The following TTBK2 variants were observed in gnomAD, a reference collection of about 807,000 sequenced individuals.
TTBK2 encodes tau tubulin kinase 2, also known as tau-tubulin kinase 2.
Under a neutral mutation model 110.8 loss-of-function variants are expected in TTBK2, and 28 were observed. The observed-to-expected ratio is 0.25, with a 90% CI of 0.19 to 0.35. The LOEUF is 0.35. Among genes scored for constraint, TTBK2 ranks in the 10% least tolerant of loss-of-function variants. TTBK2 has a pLI of 1.00. For missense variants in TTBK2, 1,369 were observed against 1,500.3 expected (o/e 0.91, Z 1.45); for synonymous variants, 532 against 527.3 (o/e 1.01, Z -0.12).
rs1161199576 is a variant in TTBK2, at chr15:42,752,793, G to C, written c.2453C>G (p.Ala818Gly). 1 of 1,614,160 alleles carries C rather than the reference G, an allele frequency of 6.2e-7. No individual in the cohort carries two copies. Among genetic ancestry groups the C allele is most frequent in the South Asian group, 1.1e-5 (1 of 91,080 alleles). The change falls in exon 14 of 15, where the codon GCT (alanine) becomes GGT (glycine). Residue 818 changes from alanine (A) to glycine (G), a missense_variant. Physicochemically the swap from Ala to Gly is moderately conservative, Grantham distance 60. Transcript: ENST00000267890. ...DLVIVEKDHS[A>G]TTEPLDVTKT... Reference sequence around the variant, plus strand: ...TGTCACATCAAGAGGTTCAGTAGTAGCTGAGTGATCCTTTTCCACAATTAC... The same window carrying C: ...TGTCACATCAAGAGGTTCAGTAGTACCTGAGTGATCCTTTTCCACAATTAC...
chr15:42,855,785 C>T (rs925489548), intron 3 of TTBK2, among the ~76,000 whole-genome samples: 2 of 152,112 alleles, frequency 1.3e-5, no homozygotes, highest in East Asian at 3.9e-4. Context: ...CCCGGGTTCA[C>T]GCCATTCTCC....
intron 3 of TTBK2, among the ~76,000 whole-genome samples, chr15:42,845,170 T>A (rs1893395607): frequency 6.6e-6 from 1 of 152,130 alleles, no homozygotes; most frequent in Non-Finnish European, 1.5e-5. Flanking sequence ...GTACATGTGA[T>A]AAATAATTAA....
chr15:42,785,211 C>T (rs1040565725), intron 10 of TTBK2, among the ~76,000 whole-genome samples: 2 of 148,862 alleles, frequency 1.3e-5, no homozygotes, highest in African/African-American at 2.5e-5. Flanking sequence ...CCTCCGCCCC[C>T]GGGGTTCAAG....
chr15:42,815,942 A>C (rs1192972599), intron 7 of TTBK2, among the ~76,000 whole-genome samples: 2 of 29,548 alleles, frequency 6.8e-5, no homozygotes, highest in Admixed American at 1.3e-3. Context: ...ATATATATAT[A>C]TATATTTAAA....
In TTBK2 at chr15:42,775,620, A is replaced by G; in HGVS notation, c.1513T>C (p.Trp505Arg). Residue 505 changes from tryptophan to arginine, a missense_variant, in exon 13 of 15, where the codon TGG becomes CGG. Physicochemically the swap from Trp to Arg is moderately radical, Grantham distance 101. Transcript: ENST00000267890. ...GGAAGATATTCTTCATCATAGTGCC[A>G]GATGTGGTCAGTACGGGACACAGCA... Reference protein sequence around the residue: ...VPAVSRTDHIWHYDEEYLPDA... With the variant: ...VPAVSRTDHIRHYDEEYLPDA... 1.9e-6 allele frequency: 3 copies of G among 1,614,044 alleles called. No individual in the cohort carries two copies. The highest frequency in any genetic ancestry group is 2.5e-6 in the Non-Finnish European group (3 of 1,179,920).
At chr15:42,893,310 C>T (rs951350729) in intron 1 of TTBK2, among the ~76,000 whole-genome samples, 1 of 152,054 alleles carries the variant, frequency 6.6e-6, no homozygotes, top group East Asian at 1.9e-4. Flanking sequence ...CCTGGGCAAC[C>T]TATCAAGACC....
rs1218245664 is a variant in TTBK2, at chr15:42,746,398, C to T, written c.3273-141G>A. On this transcript the variant is annotated intron_variant, in intron 14 of 14. Coordinates refer to ENST00000267890, the MANE Select transcript of TTBK2 (RefSeq NM_173500.4). ...GGATACAGGGTTACTCTGTCATATA[C>T]TAGTTGTATGACCCTGGACAAATTC... 7.4e-6 allele frequency: 5 copies of T among 678,062 alleles called. No individual in the cohort carries two copies. The South Asian group carries it at 7.7e-5, about 10-fold the overall frequency. The allele number at this position is 678,062 out of a possible 1,614,324, so 42.0% of individuals were successfully genotyped here. A position where few individuals can be genotyped will look rare whatever the true frequency, so the allele number is the denominator to read the frequency against.
intron 4 of TTBK2, among the ~76,000 whole-genome samples, chr15:42,835,070 T>C (rs2141000671): frequency 6.6e-6 from 1 of 152,296 alleles, no homozygotes; most frequent in Middle Eastern, 3.4e-3. Context: ...GATAACCTAA[T>C]AGTGAATGTA....
intron 3 of TTBK2, among the ~76,000 whole-genome samples, chr15:42,868,382 G>T (rs754126994): frequency 3.3e-5 from 5 of 152,048 alleles, no homozygotes; most frequent in Non-Finnish European, 7.4e-5. Flanking sequence ...ATCAATGTAG[G>T]TTCATCAATT....
At chr15:42,806,358 C>G (rs966434138) in intron 9 of TTBK2, among the ~76,000 whole-genome samples, 2 of 152,264 alleles carry the variant, frequency 1.3e-5, no homozygotes, top group Non-Finnish European at 2.9e-5. Context: ...CAACTAGTCT[C>G]TGATTCTCCT....
chr15:42,882,247 TAAAC>T (rs1021098430), intron 1 of TTBK2, among the ~76,000 whole-genome samples: 9 of 151,712 alleles, frequency 5.9e-5, no homozygotes, highest in Non-Finnish European at 1.0e-4. Flanking sequence ...AAACAACTCT[TAAAC>T]ATATCATAAC....
intron 6 of TTBK2, among the ~76,000 whole-genome samples, chr15:42,819,163 T>C (rs1410716019): frequency 2.0e-5 from 3 of 151,694 alleles, no homozygotes; most frequent in Admixed American, 6.6e-5. Context: ...TCAGAAAAGA[T>C]AGTAAACGTT....
chr15:42,787,431 C>T (rs1371231438), intron 10 of TTBK2, among the ~76,000 whole-genome samples: 1 of 152,108 alleles, frequency 6.6e-6, no homozygotes, highest in Non-Finnish European at 1.5e-5. Context: ...AGAAAAAAAT[C>T]AGAAGTTGGC....
At chr15:42,806,937 C>T (rs1227361854) in intron 9 of TTBK2, among the ~76,000 whole-genome samples, 2 of 151,994 alleles carry the variant, frequency 1.3e-5, no homozygotes, top group Non-Finnish European at 2.9e-5. Context: ...CACCCCTGGG[C>T]CTTACATGGT....
At chr15:42,882,567 T>G (rs558782538) in intron 1 of TTBK2, among the ~76,000 whole-genome samples, 1 of 151,902 alleles carries the variant, frequency 6.6e-6, no homozygotes, top group African/African-American at 2.4e-5. Flanking sequence ...TGAGCCAAGA[T>G]TGCGCCATTG....
At chr15:42,790,155 T>G (rs1009080374) in intron 10 of TTBK2, among the ~76,000 whole-genome samples, 2 of 152,226 alleles carry the variant, frequency 1.3e-5, no homozygotes, top group African/African-American at 4.8e-5. Context: ...GACCTATATG[T>G]TAAGACCTGA....
rs184654839 is a variant in TTBK2, at chr15:42,878,349, G to A, written c.69+200C>T. On this transcript the variant is annotated intron_variant, in intron 2 of 14. Transcript: ENST00000267890. ...AAAAATTTAGTACTATACGAAGCAA[G>A]AGTAAGAATTAGGGTATAAACAGAG... is the stretch of plus-strand genomic sequence containing the variant. Among the ~76,000 whole-genome samples, 278 of 152,148 alleles carry A rather than the reference G, an allele frequency of 1.8e-3. 1 individual carries two copies. The highest frequency in any genetic ancestry group is 6.8e-3 in the Middle Eastern group (2 of 292).
At chr15:42,811,534 G>A (rs1891720454) in intron 8 of TTBK2, among the ~76,000 whole-genome samples, 154 bp downstream of exon 8, 1 of 152,136 alleles carries the variant, frequency 6.6e-6, no homozygotes, top group Non-Finnish European at 1.5e-5. Context: ...GATCTCTAAT[G>A]TCAGCTCACA....
At chr15:42,861,115 T>C (rs1207639472) in intron 3 of TTBK2, among the ~76,000 whole-genome samples, 1 of 152,102 alleles carries the variant, frequency 6.6e-6, no homozygotes, top group Non-Finnish European at 1.5e-5. Flanking sequence ...TAAAACAAGT[T>C]CTTCTTGACC....
Sources: gnomAD v4.1 joint callset for allele counts (sites outside exome capture counted in the v4.1 genomes callset) on GRCh38, gnomAD v4.1.1 for gene constraint, MANE v1.5 for transcripts, NCBI Gene and HGNC (gene_info 2026-07-23, HGNC 2026-07-21) for gene names.